Variants in BRWD3 observed in about 807,000 individuals in gnomAD.
The protein encoded by BRWD3 is bromodomain and WD repeat domain containing 3.
BRWD3 carries 10 observed loss-of-function variants against 149.7 expected under a neutral mutation model. That is an observed-to-expected ratio of 0.07 (90% CI 0.04 to 0.11). The LOEUF is 0.11. Among genes scored for constraint, BRWD3 ranks in the 10% least tolerant of loss-of-function variants. The pLI is 1.00. For missense variants in BRWD3, 940 were observed against 1,373.2 expected (o/e 0.68, Z 4.99); for synonymous variants, 504 against 456.7 (o/e 1.10, Z -1.32).
At chrX:80,710,914 T>C (rs927455104) in intron 20 of BRWD3, among the ~76,000 whole-genome samples, 23 of 110,859 alleles carry the variant, frequency 2.1e-4, no homozygotes, top group Non-Finnish European at 4.0e-4. Context: ...TTCTAGAAAG[T>C]ACAGGTATCT....
intron 19 of BRWD3, 148 bp from the exon 20 acceptor site, chrX:80,716,398 A>G: frequency 6.2e-6 from 3 of 482,545 alleles, no homozygotes; most frequent in Non-Finnish European, 1.1e-5. Context: ...TTACATTCAG[A>G]AAGTTGTGCA....
intron 5 of BRWD3, 107 bp downstream of exon 5, chrX:80,793,515 A>C: frequency 1.1e-6 from 1 of 883,157 alleles, no homozygotes; most frequent in Non-Finnish European, 1.6e-6. Context: ...TGGCAAGATA[A>C]GAAAAACTAG....
chrX:80,720,545 A>C (rs2073134000), intron 17 of BRWD3, among the ~76,000 whole-genome samples: 1 of 109,166 alleles, frequency 9.2e-6, no homozygotes, highest in Non-Finnish European at 1.9e-5. Context: ...AAGAGTCGAA[A>C]AGTTAAAAAA....
intron 24 of BRWD3, among the ~76,000 whole-genome samples, chrX:80,700,450 A>ATATAT (rs1482829141): frequency 1.0e-5 from 1 of 99,593 alleles, no homozygotes; most frequent in Non-Finnish European, 2.0e-5. Flanking sequence ...ATAACAATAC[A>ATATAT]ATTAGGCCGG....
Position 80,671,067 on chromosome X carries a change from C to G in BRWD3, c.*5542G>C, listed in dbSNP as rs1360974217. 1 of 111,289 alleles carries G rather than the reference C, an allele frequency of 9.0e-6. No homozygotes were observed. The highest frequency in any genetic ancestry group is 2.8e-4 in the East Asian group (1 of 3,536). 9.2% of individuals were successfully genotyped at this position (111,289 alleles called of 1,213,427 possible). A position where few individuals can be genotyped will look rare whatever the true frequency, so the allele number is the denominator to read the frequency against. On this transcript the variant is annotated 3_prime_UTR_variant, in exon 41 of 41. Transcript: ENST00000373275. ...CTCACTTCTCTCTCTCCTACACTTA[C>G]ACTGAATTAAAGCACCATTTACAAT... is the stretch of plus-strand genomic sequence containing the variant.
rs2074204346 is a variant in BRWD3, at chrX:80,793,395, T to C, written c.331+227A>G. Among the ~76,000 whole-genome samples the C allele has an allele frequency of 3.6e-5, 4 of 110,529 alleles. No homozygotes were observed. The South Asian group carries it at 1.5e-3, about 42-fold the overall frequency. On this transcript the variant is annotated intron_variant, in intron 5 of 40. Transcript: ENST00000373275. Reference sequence around the variant, plus strand: ...AATCTTTGAGATCTCTATTCCATGATTACAAAGGTATTTTATATTCTTTAC... The same window carrying C: ...AATCTTTGAGATCTCTATTCCATGACTACAAAGGTATTTTATATTCTTTAC...
Position 80,739,167 on chromosome X carries a change from C to G in BRWD3, c.814-3079G>C, listed in dbSNP as rs142417044. ...CAATAACAGAGGTCATGAGAATTTG[C>G]CAGATTCTAGATACACTTTGATGGT... On this transcript the variant is annotated intron_variant, in intron 8 of 40. Coordinates refer to ENST00000373275, the MANE Select transcript of BRWD3 (RefSeq NM_153252.5). Among the ~76,000 whole-genome samples the G allele has an allele frequency of 6.8e-3, 759 of 111,267 alleles. 7 individuals are homozygous for G. The highest frequency in any genetic ancestry group is 0.023 in the African/African-American group (692 of 30,587).
chrX:80,758,672 T>C (rs1356822122), intron 6 of BRWD3, among the ~76,000 whole-genome samples: 1 of 110,452 alleles, frequency 9.1e-6, no homozygotes, highest in African/African-American at 3.3e-5. Context: ...GAATATAATA[T>C]GGTGGTGCCT....
chrX:80,742,688 GCTCT>G (rs755280542), intron 8 of BRWD3, among the ~76,000 whole-genome samples: 1,366 of 110,403 alleles, frequency 0.012, 33 homozygotes, highest in African/African-American at 0.043. Context: ...TCATGATTTG[GCTCT>G]CTGTTTGTCT....
chrX:80,752,945 G>A (rs915803065), intron 6 of BRWD3, among the ~76,000 whole-genome samples: 4 of 112,002 alleles, frequency 3.6e-5, no homozygotes, highest in Admixed American at 9.5e-5. Flanking sequence ...GACTATAGGC[G>A]TGAACCACCA....
rs1602333181 is a variant in BRWD3, at chrX:80,709,665, TA to T, written c.2326-89del. On this transcript the variant is annotated intron_variant, in intron 20 of 40. Coordinates refer to ENST00000373275, the MANE Select transcript of BRWD3 (RefSeq NM_153252.5). ...TATATAAAGCAAATTAGGTGGGGGG[TA>T]GGGGTGAGTAGGAGATGAGAATAAA... The T allele has an allele frequency of 5.3e-6, 4 of 761,273 alleles. No homozygotes were observed. In the African/African-American group the frequency reaches 8.6e-5, roughly 16 times the overall value. 62.7% of individuals were successfully genotyped at this position (761,273 alleles called of 1,213,427 possible).
chrX:80,766,250 C>CT (rs2073856779), intron 6 of BRWD3, among the ~76,000 whole-genome samples: 1 of 111,306 alleles, frequency 9.0e-6, no homozygotes, highest in South Asian at 3.8e-4. Context: ...TGGACTGGAA[C>CT]TTACACCATC....
intron 6 of BRWD3, among the ~76,000 whole-genome samples, chrX:80,760,115 C>T (rs1464696267): frequency 8.9e-6 from 1 of 111,953 alleles, no homozygotes; most frequent in Non-Finnish European, 1.9e-5. Context: ...TTACTTCATA[C>T]CTAATATTTG....
chrX:80,754,995 G>A (rs759391038), intron 6 of BRWD3, among the ~76,000 whole-genome samples: 92 of 110,746 alleles, frequency 8.3e-4, no homozygotes, highest in Middle Eastern at 4.7e-3. Flanking sequence ...GCAACAGAGC[G>A]AAACTCCGTC....
Position 80,809,804 on chromosome X carries a change from ACGCGGGGGGTGGGGGG to A in BRWD3, c.-349_-334del, listed in dbSNP as rs2074394784. 2.0e-3 allele frequency: 65 copies of A among 32,631 alleles called. No individual in the cohort carries two copies. The highest frequency in any genetic ancestry group is 2.3e-3 in the Non-Finnish European group (46 of 19,887). 2.7% of individuals were successfully genotyped at this position (32,631 alleles called of 1,213,427 possible). ...GAGAGAGAGAGAGAGAGAGAGAGAG[ACGCGGGGGGTGGGGGG>A]GCGGAGAGAGAGAGAGAGAGAGAGA... On this transcript the variant is annotated 5_prime_UTR_variant, in exon 1 of 41. Transcript: ENST00000373275.
chrX:80,767,950 C>T (rs2073885723), intron 6 of BRWD3, among the ~76,000 whole-genome samples: 1 of 111,056 alleles, frequency 9.0e-6, no homozygotes, highest in Non-Finnish European at 1.9e-5. Context: ...CTTCAATAGC[C>T]GATTCGATCA....
intron 6 of BRWD3, among the ~76,000 whole-genome samples, chrX:80,746,161 C>T (rs1344999825): frequency 1.8e-5 from 2 of 110,244 alleles, no homozygotes; most frequent in Non-Finnish European, 3.8e-5. Context: ...CACACCTATC[C>T]ACCATATGTA....
At chrX:80,697,462 CT>C (rs759980524) in intron 25 of BRWD3, among the ~76,000 whole-genome samples, 15 of 111,191 alleles carry the variant, frequency 1.3e-4, no homozygotes, top group Middle Eastern at 4.6e-3. Context: ...TTTTTAACCC[CT>C]ATCCCCCTCC....
chrX:80,780,840 C>T (rs891274312), intron 6 of BRWD3, among the ~76,000 whole-genome samples: 2 of 111,983 alleles, frequency 1.8e-5, no homozygotes, highest in Non-Finnish European at 3.8e-5. Flanking sequence ...ACAAATATTC[C>T]TGGCAGAAAC....
Sources: allele counts gnomAD v4.1 joint callset (sites outside exome capture counted in the v4.1 genomes callset), GRCh38; gene constraint gnomAD v4.1.1; transcripts MANE v1.5; gene names NCBI Gene and HGNC (gene_info 2026-07-23, HGNC 2026-07-21).